Variants in MINDY4 observed in about 807,000 individuals in gnomAD.
The protein encoded by MINDY4 is MINDY lysine 48 deubiquitinase 4, also known as probable ubiquitin carboxyl-terminal hydrolase MINDY-4.
In MINDY4, 68 loss-of-function variants were observed where a neutral mutation model predicts 87.0. The ratio of observed to expected loss-of-function variants is 0.78; its 90% CI spans 0.64 to 0.96. The LOEUF is 0.96. Among genes scored for constraint, MINDY4 ranks in the 40% least tolerant of loss-of-function variants. MINDY4 has a pLI of 0.00. For missense variants in MINDY4, 919 were observed against 928.2 expected (o/e 0.99, Z 0.13); for synonymous variants, 379 against 363.2 (o/e 1.04, Z -0.50).
At chr7:30,879,553 G>T (rs184702588) in intron 15 of MINDY4, among the ~76,000 whole-genome samples, 3 of 152,112 alleles carry the variant, frequency 2.0e-5, no homozygotes, top group South Asian at 2.1e-4. Context: ...ACCTCAGCCC[G>T]CACCACTCTC....
intron 8 of MINDY4, among the ~76,000 whole-genome samples, chr7:30,839,957 G>A (rs1788983507): frequency 6.6e-6 from 1 of 152,016 alleles, no homozygotes; most frequent in Non-Finnish European, 1.5e-5. Context: ...AGCTTGGTCC[G>A]GTTCAGTTTC....
intron 3 of MINDY4, among the ~76,000 whole-genome samples, chr7:30,783,722 A>G (rs1012171989): frequency 6.6e-6 from 1 of 152,176 alleles, no homozygotes; most frequent in African/African-American, 2.4e-5. Context: ...AGAATGGACT[A>G]CTTTGTGATG....
chr7:30,854,395 C>A (rs1199197338), intron 12 of MINDY4, among the ~76,000 whole-genome samples: 1 of 152,152 alleles, frequency 6.6e-6, no homozygotes, highest in Non-Finnish European at 1.5e-5. Context: ...GCTCTAAGGG[C>A]AGCCTTGAGA....
intron 7 of MINDY4, 58 bp downstream of exon 7, chr7:30,836,822 C>A: frequency 2.3e-6 from 3 of 1,315,264 alleles, no homozygotes; most frequent in South Asian, 2.6e-5. Context: ...ATATAGATGG[C>A]GTGATTTTGG....
chr7:30,787,096 G>A (rs1472229920), intron 4 of MINDY4, among the ~76,000 whole-genome samples: 1 of 152,178 alleles, frequency 6.6e-6, no homozygotes, highest in East Asian at 1.9e-4. Flanking sequence ...CCCTGCCCCT[G>A]GCTCTATCTT....
At chr7:30,790,661 T>C (rs2128168215) in intron 4 of MINDY4, among the ~76,000 whole-genome samples, 1 of 152,266 alleles carries the variant, frequency 6.6e-6, no homozygotes, top group African/African-American at 2.4e-5. Flanking sequence ...GCAAGGCTGG[T>C]CTCGAATTCC....
intron 5 of MINDY4, among the ~76,000 whole-genome samples, chr7:30,816,635 C>T (rs1428294869): frequency 6.7e-6 from 1 of 149,894 alleles, no homozygotes; most frequent in African/African-American, 2.5e-5. Flanking sequence ...CAAATCTGTC[C>T]TCACTGGGCG....
chr7:30,862,437 G>A (rs773906364), intron 13 of MINDY4, among the ~76,000 whole-genome samples: 1 of 152,218 alleles, frequency 6.6e-6, no homozygotes, highest in Non-Finnish European at 1.5e-5. Flanking sequence ...CTCCTCTCAC[G>A]TGCCAGGCAC....
chr7:30,780,286 T>C (rs747372451), intron 2 of MINDY4: 15 of 152,212 alleles, frequency 9.9e-5, no homozygotes, highest in Non-Finnish European at 2.1e-4. Context: ...AGGAGAATTT[T>C]GCGCAGAGAG....
Position 30,782,081 on chromosome 7 carries a change from T to C in MINDY4, c.288T>C (p.Pro96=). The change falls in exon 3 of 18, where the codon CCT becomes CCC. Residue 96 remains proline, a synonymous_variant. Coordinates refer to ENST00000265299, the MANE Select transcript of MINDY4 (RefSeq NM_032222.3). ...ANNFTQDTPI[P]ALSVPKKNNK... ...ATTTCACTCAAGATACCCCAATCCC[T>C]GCACTCTCAGTTCCAAAGAAAAATA... The C allele has an allele frequency of 6.2e-7, 1 of 1,614,158 alleles. No homozygotes were observed. Among genetic ancestry groups the C allele is most frequent in the South Asian group, 1.1e-5 (1 of 91,076 alleles).
At chr7:30,783,799 T>G (rs1379924535) in intron 3 of MINDY4, among the ~76,000 whole-genome samples, 6 of 152,194 alleles carry the variant, frequency 3.9e-5, no homozygotes, top group Non-Finnish European at 7.3e-5. Context: ...CTTGCTTTAT[T>G]TGATTTTCGT....
chr7:30,784,336 C>T (rs1787091452), intron 3 of MINDY4, among the ~76,000 whole-genome samples: 1 of 152,230 alleles, frequency 6.6e-6, no homozygotes, highest in African/African-American at 2.4e-5. Flanking sequence ...GTCCTGTGAG[C>T]TCTTCACCCA....
intron 13 of MINDY4, among the ~76,000 whole-genome samples, chr7:30,869,387 G>A (rs1790034144): frequency 6.6e-6 from 1 of 152,190 alleles, no homozygotes; most frequent in African/African-American, 2.4e-5. Flanking sequence ...TATTGCATTT[G>A]AAGAAAGGGC....
At chr7:30,883,635 G>C (rs1790539922) in intron 17 of MINDY4, among the ~76,000 whole-genome samples, 1 of 152,208 alleles carries the variant, frequency 6.6e-6, no homozygotes, top group Non-Finnish European at 1.5e-5. Flanking sequence ...TGTGTTCTCT[G>C]AGTGGGCCCC....
intron 5 of MINDY4, among the ~76,000 whole-genome samples, chr7:30,801,410 G>A (rs937801617): frequency 6.6e-6 from 1 of 152,118 alleles, no homozygotes; most frequent in Non-Finnish European, 1.5e-5. Flanking sequence ...CTCTTGCACT[G>A]GTTCAGCCTC....
rs527587129 is a variant in MINDY4, at chr7:30,788,302, A to G, written c.663+2310A>G. ...GTTTCTTAATGTGAAATCTTAAACC[A>G]TATCAGTGAACTTTTTGTACCTTAT... is the stretch of plus-strand genomic sequence containing the variant. On this transcript the variant is annotated intron_variant, in intron 4 of 17. Coordinates refer to ENST00000265299, the MANE Select transcript of MINDY4 (RefSeq NM_032222.3). 2.0e-5 allele frequency among the ~76,000 whole-genome samples: 3 copies of G among 152,372 alleles called. No homozygotes were observed. In the East Asian group the frequency reaches 5.8e-4, roughly 29 times the overall value.
intron 9 of MINDY4, among the ~76,000 whole-genome samples, chr7:30,842,552 T>C (rs1221991227): frequency 6.6e-6 from 1 of 152,190 alleles, no homozygotes. Flanking sequence ...CAGAGTGTGC[T>C]TAGCAGGTCC....
In MINDY4 at chr7:30,791,460, C is replaced by G; in HGVS notation, c.959C>G (p.Thr320Arg). 1 of 1,614,106 alleles carries G rather than the reference C, an allele frequency of 6.2e-7. No homozygotes were observed. The highest frequency in any genetic ancestry group is 1.3e-5 in the African/African-American group (1 of 75,036). Residue 320 changes from threonine (T) to arginine (R), a missense_variant, in exon 5 of 18, where the codon ACA (threonine) becomes AGA (arginine). Thr to Arg is a moderately conservative substitution (Grantham distance 71, BLOSUM62 -1). Transcript: ENST00000265299. ...GACACCCCAGCAGTGGACGGCAGCA[C>G]AGACACGGACAGGATGCCCTTGAAG... ...SEDTPAVDGS[T>R]DTDRMPLKLY...
intron 17 of MINDY4, among the ~76,000 whole-genome samples, chr7:30,883,953 T>C (rs1268982601): frequency 6.6e-6 from 1 of 152,150 alleles, no homozygotes; most frequent in Non-Finnish European, 1.5e-5. Context: ...CCTTTCTCAC[T>C]GGACCTTGTG....
Sources: gnomAD v4.1 joint callset for allele counts (sites outside exome capture counted in the v4.1 genomes callset) on GRCh38, gnomAD v4.1.1 for gene constraint, MANE v1.5 for transcripts, NCBI Gene and HGNC (gene_info 2026-07-23, HGNC 2026-07-21) for gene names.